The following METTL14 variants were observed in gnomAD, a reference collection of about 807,000 sequenced individuals.
METTL14 encodes methyltransferase 14, N6-adenosine-methyltransferase non-catalytic subunit.
Under a neutral mutation model 62.4 loss-of-function variants are expected in METTL14, and 32 were observed. The observed-to-expected ratio is 0.51, with a 90% CI of 0.39 to 0.69. METTL14 has a LOEUF of 0.69. METTL14 is among the 30% of genes least tolerant of loss of function. The probability of loss-of-function intolerance (pLI) is 0.00; values close to 1 mark genes in which losing one functional copy is unlikely to be tolerated. For synonymous variants in METTL14, 150 were observed against 180.0 expected (o/e 0.83, Z 1.34); for missense variants, 340 against 551.9 (o/e 0.62, Z 3.85).
Position 118,688,027 on chromosome 4 carries a change from CTTT to C in METTL14, c.155+31_155+33del, listed in dbSNP as rs746420947. On this transcript the variant is annotated intron_variant, in intron 2 of 10. Coordinates refer to ENST00000388822, the MANE Select transcript of METTL14 (RefSeq NM_020961.4). Reference sequence around the variant, plus strand: ...AAACTTGCAGGTCAGTCAGATAATTCTTTTTTTTTTTTTTTTTGAGACAGGGTT... The same window carrying C: ...AAACTTGCAGGTCAGTCAGATAATTCTTTTTTTTTTTTTTGAGACAGGGTT... 7.5e-3 allele frequency: 9,417 copies of C among 1,260,128 alleles called. No homozygotes were observed. Among genetic ancestry groups the C allele is most frequent in the Non-Finnish European group, 8.0e-3 (7,354 of 916,396 alleles). The allele number at this position is 1,260,128 out of a possible 1,614,324, so 78.1% of individuals were successfully genotyped here.
intron 7 of METTL14, 55 bp downstream of exon 7, chr4:118,697,378 T>C: frequency 7.0e-7 from 1 of 1,428,210 alleles, no homozygotes; most frequent in East Asian, 2.4e-5. Context: ...ATGAATATGT[T>C]TATTTGGTCA....
intron 6 of METTL14, among the ~76,000 whole-genome samples, chr4:118,696,211 T>C (rs1050253982): frequency 1.3e-5 from 2 of 150,300 alleles, no homozygotes; most frequent in Non-Finnish European, 3.0e-5. Context: ...AGTCTAAGTA[T>C]ACTCTAATAT....
rs1724968261 is a variant in METTL14 at position 118,712,982 on chromosome 4, A to G, written c.*2680A>G. On this transcript the variant is annotated 3_prime_UTR_variant, in exon 11 of 11. Transcript: ENST00000388822. ...GGTGTGGAATACCATACCTAAACAC[A>G]AATGAATCAGATTAGACCACAGAAT... 1 of 152,180 alleles carries G rather than the reference A, an allele frequency of 6.6e-6. No homozygotes were observed. The highest frequency in any genetic ancestry group is 1.5e-5 in the Non-Finnish European group (1 of 68,042). The allele number at this position is 152,180 out of a possible 1,614,324, so 9.4% of individuals were successfully genotyped here.
intron 3 of METTL14, among the ~76,000 whole-genome samples, chr4:118,690,677 C>CAAA (rs1046821905): frequency 1.3e-5 from 1 of 74,950 alleles, no homozygotes; most frequent in Non-Finnish European, 2.6e-5. Flanking sequence ...GACTCTGTCT[C>CAAA]AAAAAAAAAA....
rs1724345202 is a variant in METTL14, at chr4:118,694,446, C to T, written c.423C>T (p.Asp141=). The change falls in exon 6 of 11, where the codon GAC becomes GAT. Residue 141 remains aspartate (D), a synonymous_variant. Coordinates refer to ENST00000388822, the MANE Select transcript of METTL14 (RefSeq NM_020961.4). ...ATTTTTTCTGCTCAGGTTTAGCTGA[C>T]AGATTTGAAGAATATCCTAAACTGA... ...QNFIRDVGLA[D]RFEEYPKLRE... 6.2e-7 allele frequency: 1 copy of T among 1,611,542 alleles called. No individual in the cohort carries two copies. The highest frequency in any genetic ancestry group is 1.7e-5 in the Admixed American group (1 of 59,658).
Position 118,691,548 on chromosome 4 carries a change from A to G in METTL14, c.260A>G (p.Gln87Arg). The stretch of plus-strand genomic sequence containing the variant: ...TTTTTCAAGGATGAACTAGAAATGC[A>G]ACAGGATGAAGAAAATTTGCCATAT... Reference protein sequence around the residue: ...MEEYKDELEMQQDEENLPYEE... With the variant: ...MEEYKDELEMRQDEENLPYEE... The change falls in exon 4 of 11, where the codon CAA becomes CGA. Residue 87 changes from glutamine to arginine, a missense_variant. Coordinates refer to ENST00000388822, the MANE Select transcript of METTL14 (RefSeq NM_020961.4). 1 of 1,553,266 alleles carries G rather than the reference A, an allele frequency of 6.4e-7. No individual in the cohort carries two copies.
chr4:118,701,636 T>G (rs568987664), intron 8 of METTL14, among the ~76,000 whole-genome samples: 2 of 152,332 alleles, frequency 1.3e-5, no homozygotes, highest in East Asian at 3.9e-4. Flanking sequence ...AAAAAGATAC[T>G]CACTCTTGAG....
At chr4:118,694,671 G>C (rs1724352918) in intron 6 of METTL14, 145 bp downstream of exon 6, 1 of 656,594 alleles carries the variant, frequency 1.5e-6, no homozygotes, top group South Asian at 2.0e-5. Flanking sequence ...CTGCCTTTTT[G>C]TTTTTTAAAG....
At chr4:118,689,773 A>G (rs1422012178) in intron 3 of METTL14, among the ~76,000 whole-genome samples, 1 of 150,966 alleles carries the variant, frequency 6.6e-6, no homozygotes, top group Non-Finnish European at 1.5e-5. Flanking sequence ...CCTCCCAAGT[A>G]GCTGGGACTT....
chr4:118,701,016 C>T (rs1724572248), intron 8 of METTL14, among the ~76,000 whole-genome samples: 1 of 151,792 alleles, frequency 6.6e-6, no homozygotes, highest in African/African-American at 2.4e-5. Context: ...AGCATTGGCT[C>T]CTGAAATCCA....
chr4:118,691,469 C>A, intron 3 of METTL14, 63 bp from the exon 4 acceptor site: 2 of 805,518 alleles, frequency 2.5e-6, no homozygotes, highest in South Asian at 1.9e-5. Context: ...GAGTTTTAAT[C>A]AGGATGTGAT....
At chr4:118,704,820 G>T (rs1162136469) in intron 9 of METTL14, among the ~76,000 whole-genome samples, 1 of 152,176 alleles carries the variant, frequency 6.6e-6, no homozygotes, top group Non-Finnish European at 1.5e-5. Flanking sequence ...TCTAGCAAAT[G>T]ATCTAACCTG....
chr4:118,701,769 A>C (rs1435125817), intron 8 of METTL14, among the ~76,000 whole-genome samples: 1 of 152,162 alleles, frequency 6.6e-6, no homozygotes, highest in Admixed American at 6.5e-5. Context: ...ACAATTGAAA[A>C]ATTTAAGTAG....
chr4:118,698,452 CAAAAAAA>C (rs70941202), intron 7 of METTL14, among the ~76,000 whole-genome samples: 10 of 76,658 alleles, frequency 1.3e-4, no homozygotes, highest in Admixed American at 6.3e-4. Context: ...GACTCTGTCT[CAAAAAAA>C]AAAAAAAAAA....
intron 1 of METTL14, among the ~76,000 whole-genome samples, chr4:118,687,530 A>G (rs564119582): frequency 6.6e-6 from 1 of 152,308 alleles, no homozygotes; most frequent in Non-Finnish European, 1.5e-5. Context: ...TCATTGACTT[A>G]CGGTGGAGTT....
chr4:118,685,695 T>A, intron 1 of METTL14, 95 bp downstream of exon 1: 1 of 1,047,530 alleles, frequency 9.5e-7, no homozygotes, highest in Non-Finnish European at 1.5e-6. Flanking sequence ...GTCCCTTCTC[T>A]ACCTGCCGCT....
intron 1 of METTL14, among the ~76,000 whole-genome samples, chr4:118,687,491 G>A (rs895221885): frequency 2.0e-5 from 3 of 152,298 alleles, no homozygotes; most frequent in African/African-American, 7.2e-5. Context: ...ACTTTATGAT[G>A]GTTTGAGAGT....
Position 118,710,832 on chromosome 4 carries a change from C to T in METTL14, c.*530C>T, listed in dbSNP as rs1381684176. ...ACTGAAGAAATTAAGAGACTTTGAACAAAAACTCTTCCCAAATCTAAATTT... is the reference window on the plus strand; with the variant it reads ...ACTGAAGAAATTAAGAGACTTTGAATAAAAACTCTTCCCAAATCTAAATTT... On this transcript the variant is annotated 3_prime_UTR_variant, in exon 11 of 11. Transcript: ENST00000388822. The T allele has an allele frequency of 6.7e-6, 1 of 149,224 alleles. No individual in the cohort carries two copies. The highest frequency in any genetic ancestry group is 2.0e-4 in the East Asian group (1 of 5,100). The allele number at this position is 149,224 out of a possible 1,614,324, so 9.2% of individuals were successfully genotyped here. A position where few individuals can be genotyped will look rare whatever the true frequency, so the allele number is the denominator to read the frequency against.
At chr4:118,708,979 A>G (rs2110411619) in intron 10 of METTL14, among the ~76,000 whole-genome samples, 1 of 152,376 alleles carries the variant, frequency 6.6e-6, no homozygotes, top group Non-Finnish European at 1.5e-5. Flanking sequence ...TATCCTTATT[A>G]CAAGAAAAGT....
Sources: allele counts gnomAD v4.1 joint callset (sites outside exome capture counted in the v4.1 genomes callset), GRCh38; gene constraint gnomAD v4.1.1; transcripts MANE v1.5; gene names NCBI Gene and HGNC (gene_info 2026-07-23, HGNC 2026-07-21).